Variants in FBXO32 observed in about 807,000 individuals in gnomAD.
FBXO32 encodes F-box protein 32.
FBXO32 carries 15 observed loss-of-function variants against 48.3 expected under a neutral mutation model. That is an observed-to-expected ratio of 0.31 (90% CI 0.21 to 0.48). The LOEUF (loss-of-function observed/expected upper bound fraction) is 0.48. Among genes scored for constraint, FBXO32 ranks in the 20% least tolerant of loss-of-function variants. The pLI, the probability that FBXO32 is intolerant of heterozygous loss-of-function variation, is 0.99. For missense variants in FBXO32, 309 were observed against 432.7 expected (o/e 0.71, Z 2.54); for synonymous variants, 154 against 165.9 (o/e 0.93, Z 0.55).
At chr8:123,508,911 G>A (rs999242333) in intron 6 of FBXO32, among the ~76,000 whole-genome samples, 3 of 152,144 alleles carry the variant, frequency 2.0e-5, no homozygotes, top group Admixed American at 2.0e-4. Context: ...CTCCTGATAA[G>A]TGGTTAACTG....
intron 4 of FBXO32, among the ~76,000 whole-genome samples, chr8:123,517,259 G>C (rs1816857858): frequency 6.6e-6 from 1 of 152,144 alleles, no homozygotes. Flanking sequence ...TCTCATGAGG[G>C]TGTCAGTTTT....
rs541452586 is a variant in FBXO32 at position 123,506,738 on chromosome 8, G to A, written c.652-164C>T. ...CTCCCCATCCTAAATGCAGACAGGA[G>A]ACCATGGCCATGACCCTCAATGAAG... is the stretch of plus-strand genomic sequence containing the variant. On this transcript the variant is annotated intron_variant, in intron 6 of 8. Coordinates refer to ENST00000517956, the MANE Select transcript of FBXO32 (RefSeq NM_058229.4). This position sits in a 1 kb window ranked among gnomAD's most constrained non-coding sequence, Gnocchi z 4.0. 9.3e-5 allele frequency: 58 copies of A among 621,314 alleles called. No homozygotes were observed. Among genetic ancestry groups the A allele is most frequent in the African/African-American group, 8.9e-4 (48 of 53,944 alleles). The allele number at this position is 621,314 out of a possible 1,614,324, so 38.5% of individuals were successfully genotyped here.
At chr8:123,523,627 A>AACAACAAC (rs1421762695) in intron 4 of FBXO32, among the ~76,000 whole-genome samples, 6 of 131,144 alleles carry the variant, frequency 4.6e-5, no homozygotes, top group African/African-American at 1.8e-4. Context: ...CAACAACAAC[A>AACAACAAC]AACAAACAAA....
chr8:123,514,526 G>A (rs1276059174), intron 4 of FBXO32, among the ~76,000 whole-genome samples, 193 bp from the exon 5 acceptor site: 1 of 152,210 alleles, frequency 6.6e-6, no homozygotes, highest in East Asian at 1.9e-4. Flanking sequence ...CCAGGATTGG[G>A]TTGAATATTT....
intron 6 of FBXO32, among the ~76,000 whole-genome samples, chr8:123,507,654 A>T (rs1816657093): frequency 6.6e-6 from 1 of 152,124 alleles, no homozygotes. Flanking sequence ...TACATCCCTG[A>T]ACTTATTAAT....
chr8:123,537,291 A>T (rs184075359), intron 1 of FBXO32, among the ~76,000 whole-genome samples: 1 of 152,062 alleles, frequency 6.6e-6, no homozygotes, highest in South Asian at 2.1e-4. Context: ...TTCTTCACTA[A>T]ATTCAATAAT....
rs1286673362 is a variant in FBXO32, at chr8:123,498,502, C to T, written c.*4871G>A. On this transcript the variant is annotated 3_prime_UTR_variant, in exon 9 of 9. Transcript: ENST00000517956. ...GCCCAGCAGACAAAGTCATGAATAT[C>T]ATGGCCCCTTGCTCCTGGCTGCCTC... 2 of 152,216 alleles carry T rather than the reference C, an allele frequency of 1.3e-5. No individual in the cohort carries two copies. The highest frequency in any genetic ancestry group is 4.8e-5 in the African/African-American group (2 of 41,452). 9.4% of individuals were successfully genotyped at this position (152,216 alleles called of 1,614,324 possible).
intron 8 of FBXO32, 134 bp downstream of exon 8, chr8:123,504,470 G>A (rs565964998): frequency 7.1e-6 from 2 of 281,630 alleles, no homozygotes; most frequent in Non-Finnish European, 1.4e-5. Context: ...CACTGAATCA[G>A]TTTACCCTCA....
chr8:123,518,163 C>G (rs921646200), intron 4 of FBXO32, among the ~76,000 whole-genome samples: 1 of 152,120 alleles, frequency 6.6e-6, no homozygotes, highest in African/African-American at 2.4e-5. Context: ...AGTGAGGGCT[C>G]CAGAGGCAAA....
At position 123,541,054 on chromosome 8, in the gene FBXO32, G is replaced by T; in HGVS notation, c.-40C>A. On this transcript the variant is annotated 5_prime_UTR_variant, in exon 1 of 9. Coordinates refer to ENST00000517956, the MANE Select transcript of FBXO32 (RefSeq NM_058229.4). ...ACTAGACGGATGGGGAGACGGGGCC[G>T]GCCTGGTGGGCTCGGGGACGTGCCA... 7.1e-7 allele frequency: 1 copy of T among 1,404,088 alleles called. No homozygotes were observed. Among genetic ancestry groups the T allele is most frequent in the South Asian group, 1.3e-5 (1 of 77,552 alleles). The allele number at this position is 1,404,088 out of a possible 1,614,324, so 87.0% of individuals were successfully genotyped here.
chr8:123,513,358 C>G lies in FBXO32; in HGVS notation c.491G>C (p.Arg164Thr). ...GGTCTGGAGTAGTTCCCTTATTAGT[C>G]TAATGTTTTGCTGGTCTTCAAGGAC... ...LKVLEDQQNI[R>T]LIRELLQTLY... Residue 164 changes from arginine (R) to threonine (T), a missense_variant, in exon 6 of 9, where the codon AGA becomes ACA. Arg to Thr is a moderately conservative substitution (Grantham distance 71, BLOSUM62 -1). Transcript: ENST00000517956. This position sits in a 1 kb window ranked among gnomAD's most constrained non-coding sequence, Gnocchi z 4.3. The G allele has an allele frequency of 6.2e-7, 1 of 1,613,894 alleles. No homozygotes were observed. Among genetic ancestry groups the G allele is most frequent in the East Asian group, 2.2e-5 (1 of 44,882 alleles).
At position 123,506,628 on chromosome 8, in the gene FBXO32, A is replaced by G. The variant is rs1816629433; in HGVS notation, c.652-54T>C. ...GGGGGCCAGAGAGCAGCGATTCACC[A>G]GGCCACACCCTCCAGGCATGCAGCT... On this transcript the variant is annotated intron_variant, in intron 6 of 8. Transcript: ENST00000517956. The surrounding 1 kb of genome is among the most constrained non-coding windows in gnomAD (Gnocchi z 4.0). 6.8e-7 allele frequency: 1 copy of G among 1,463,810 alleles called. No individual in the cohort carries two copies. Among genetic ancestry groups the G allele is most frequent in the South Asian group, 1.3e-5 (1 of 77,094 alleles). 90.7% of individuals were successfully genotyped at this position (1,463,810 alleles called of 1,614,324 possible). A position where few individuals can be genotyped will look rare whatever the true frequency, so the allele number is the denominator to read the frequency against.
chr8:123,527,085 A>AT (rs1563925093), intron 4 of FBXO32: 1 of 152,076 alleles, frequency 6.6e-6, no homozygotes, highest in Non-Finnish European at 1.5e-5. Context: ...ACTCCTTTCA[A>AT]TTTTTTAAAA....
chr8:123,532,101 C>A, intron 3 of FBXO32, 111 bp from the exon 4 acceptor site: 1 of 1,517,296 alleles, frequency 6.6e-7, no homozygotes, highest in Non-Finnish European at 8.8e-7. Flanking sequence ...GAGCTTGATG[C>A]CTGTCTTAGG....
At chr8:123,504,061 C>T (rs937360447) in intron 8 of FBXO32, among the ~76,000 whole-genome samples, 1 of 132,256 alleles carries the variant, frequency 7.6e-6, no homozygotes, top group Non-Finnish European at 1.6e-5. Context: ...ACCTGGGTGA[C>T]AGAGTGAGAG....
chr8:123,538,488 G>A (rs912136150), intron 1 of FBXO32, among the ~76,000 whole-genome samples: 5 of 152,110 alleles, frequency 3.3e-5, no homozygotes, highest in Admixed American at 6.5e-5. Context: ...AGGCAGGCAC[G>A]CAGTCCAAAC....
intron 1 of FBXO32, among the ~76,000 whole-genome samples, chr8:123,536,195 C>T (rs530808166): frequency 6.6e-6 from 1 of 152,222 alleles, no homozygotes; most frequent in Non-Finnish European, 1.5e-5. Context: ...TTCATAAGGC[C>T]GTGCTTAATA....
rs1360053581 is a variant in FBXO32, at chr8:123,506,644, G to A, written c.652-70C>T. 8.8e-6 allele frequency: 12 copies of A among 1,358,138 alleles called. No individual in the cohort carries two copies. The Admixed American group carries it at 2.6e-4, about 30-fold the overall frequency. 84.1% of individuals were successfully genotyped at this position (1,358,138 alleles called of 1,614,324 possible). On this transcript the variant is annotated intron_variant, in intron 6 of 8. Coordinates refer to ENST00000517956, the MANE Select transcript of FBXO32 (RefSeq NM_058229.4). This position sits in a 1 kb window ranked among gnomAD's most constrained non-coding sequence, Gnocchi z 4.0. ...CGATTCACCAGGCCACACCCTCCAG[G>A]CATGCAGCTGTGCCCGTCCTCCACC...
intron 4 of FBXO32, among the ~76,000 whole-genome samples, chr8:123,517,555 C>T (rs1443367974): frequency 6.6e-6 from 1 of 150,878 alleles, no homozygotes; most frequent in African/African-American, 2.4e-5. Flanking sequence ...CCTGGATTCT[C>T]TAGCTGGGTG....
Sources: gnomAD v4.1 joint callset for allele counts (sites outside exome capture counted in the v4.1 genomes callset) on GRCh38, gnomAD v4.1.1 for gene constraint, Gnocchi (gnomAD v3.1) non-coding constraint, MANE v1.5 for transcripts, NCBI Gene and HGNC (gene_info 2026-07-23, HGNC 2026-07-21) for gene names.